Variants in ALG13 observed in about 807,000 individuals in gnomAD.
The protein encoded by ALG13 is ALG13 UDP-N-acetylglucosaminyltransferase subunit, also known as UDP-N-acetylglucosamine transferase subunit ALG13.
ALG13 carries 11 observed loss-of-function variants against 87.8 expected under a neutral mutation model. The observed-to-expected ratio is 0.13, with a 90% CI of 0.08 to 0.21. The LOEUF is 0.21. Ranked by LOEUF, ALG13 falls within the 10% of genes least tolerant of loss-of-function variation. The pLI, the probability that ALG13 is intolerant of heterozygous loss-of-function variation, is 1.00. For missense variants in ALG13, 756 were observed against 866.1 expected (o/e 0.87, Z 1.60); for synonymous variants, 320 against 306.3 (o/e 1.04, Z -0.47).
At chrX:111,692,170 ATTC>A (rs1344828926) in intron 3 of ALG13, among the ~76,000 whole-genome samples, 1 of 111,902 alleles carries the variant, frequency 8.9e-6, no homozygotes, top group Non-Finnish European at 1.9e-5. Flanking sequence ...TCATTTAGTC[ATTC>A]TTCTAGCCTT....
chrX:111,700,757 T>G (rs1490449113), intron 3 of ALG13, among the ~76,000 whole-genome samples: 1 of 102,416 alleles, frequency 9.8e-6, no homozygotes, highest in Non-Finnish European at 2.0e-5. Flanking sequence ...TTGTATTTTT[T>G]TTTTTTTTTT....
intron 25 of ALG13, 193 bp downstream of exon 25, chrX:111,753,023 A>G (rs1812077898): frequency 1.6e-5 from 6 of 367,392 alleles, no homozygotes; most frequent in Admixed American, 5.6e-5. Flanking sequence ...TTTCTCTTAT[A>G]AAATAGTCGT....
At chrX:111,758,297 C>A (rs1287088107) in intron 26 of ALG13, among the ~76,000 whole-genome samples, 1 of 111,740 alleles carries the variant, frequency 8.9e-6, no homozygotes, top group Non-Finnish European at 1.9e-5. Flanking sequence ...GTTGTACTTG[C>A]TGACTTGAAA....
chrX:111,726,138 G>T (rs1179723557), intron 15 of ALG13, among the ~76,000 whole-genome samples: 1 of 108,528 alleles, frequency 9.2e-6, no homozygotes, highest in African/African-American at 3.4e-5. Flanking sequence ...GTAGAGATGG[G>T]GTTTCACCGT....
chrX:111,732,153 T>C (rs1322550454), intron 21 of ALG13, among the ~76,000 whole-genome samples: 2 of 111,890 alleles, frequency 1.8e-5, no homozygotes, highest in East Asian at 5.6e-4. Context: ...CTCTCCTACA[T>C]ACACCTGTCT....
chrX:111,707,296 A>G (rs1938947311), intron 3 of ALG13, among the ~76,000 whole-genome samples: 2 of 112,399 alleles, frequency 1.8e-5, no homozygotes, highest in Non-Finnish European at 3.8e-5. Context: ...TTCCATTTAA[A>G]TTTTTATTTC....
chrX:111,712,529 A>T lies in ALG13; in HGVS notation c.931A>T (p.Asn311Tyr). The change falls in exon 7 of 27, where the codon AAT (asparagine) becomes TAT (tyrosine). Residue 311 changes from asparagine to tyrosine, a missense_variant and splice_region_variant. Around this residue, in one of 9 missense-constraint regions of ALG13, gnomAD observed 60 missense variants for 54.5 expected, o/e 1.10. Transcript: ENST00000394780. ...LEIRALSLIY[N>Y]RDFILYRFPG... ...AATAAGAGCTCTTTCTCTAATTTATAAGTAAGTTATATCCTCTTTTCTTTG... is the reference window on the plus strand; with the variant it reads ...AATAAGAGCTCTTTCTCTAATTTATTAGTAAGTTATATCCTCTTTTCTTTG... 1 of 1,156,725 alleles carries T rather than the reference A, an allele frequency of 8.6e-7. No homozygotes were observed. The highest frequency in any genetic ancestry group is 1.2e-6 in the Non-Finnish European group (1 of 854,738).
At chrX:111,723,248 G>C (rs1411632206) in intron 13 of ALG13, among the ~76,000 whole-genome samples, 1 of 108,655 alleles carries the variant, frequency 9.2e-6, no homozygotes, top group Non-Finnish European at 1.9e-5. Flanking sequence ...CTGCCTCCCG[G>C]GTTCATGCCT....
chrX:111,753,049 G>T, intron 25 of ALG13: 1 of 323,188 alleles, frequency 3.1e-6, no homozygotes, highest in South Asian at 9.1e-5. Flanking sequence ...TGAAGAGAGG[G>T]GTACTGGGCT....
At chrX:111,735,970 A>G (rs1203927417) in intron 22 of ALG13, among the ~76,000 whole-genome samples, 2 of 111,204 alleles carry the variant, frequency 1.8e-5, no homozygotes, top group East Asian at 2.8e-4. Flanking sequence ...CAGTCTTACA[A>G]TGTTATAAAA....
chrX:111,736,914 C>G, intron 23 of ALG13, 35 bp downstream of exon 23: 1 of 1,134,305 alleles, frequency 8.8e-7, no homozygotes, highest in Non-Finnish European at 1.2e-6. Context: ...TTGGAAGCCT[C>G]TTTTCCTATT....
At position 111,681,630 on chromosome X, in the gene ALG13, G is replaced by T. The variant is rs753345933; in HGVS notation, c.81+331G>T. On this transcript the variant is annotated intron_variant, in intron 1 of 26. Coordinates refer to ENST00000394780, the MANE Select transcript of ALG13 (RefSeq NM_001099922.3). ...CTCCTTCCAACGGCTCCGCCCCTCC[G>T]AGCTCGGGTTTTCCACCGGGCTCGG... The T allele has an allele frequency of 7.6e-6, 7 of 923,004 alleles. No homozygotes were observed. In the South Asian group the frequency reaches 2.4e-4, roughly 32 times the overall value. The allele number at this position is 923,004 out of a possible 1,213,427, so 76.1% of individuals were successfully genotyped here.
intron 23 of ALG13, among the ~76,000 whole-genome samples, chrX:111,743,162 C>T (rs1943911498): frequency 1.8e-5 from 2 of 111,749 alleles, no homozygotes; most frequent in Non-Finnish European, 3.8e-5. Flanking sequence ...ATCATAATCA[C>T]ATTCTACTAT....
At chrX:111,735,390 T>C (rs750326533) in intron 22 of ALG13, among the ~76,000 whole-genome samples, 9 of 112,026 alleles carry the variant, frequency 8.0e-5, no homozygotes, top group African/African-American at 2.9e-4. Flanking sequence ...TGAGTTAATC[T>C]AAATTACCCA....
intron 1 of ALG13, chrX:111,681,756 C>T (rs1173393641): frequency 2.4e-6 from 2 of 822,048 alleles, no homozygotes; most frequent in South Asian, 5.5e-5. Context: ...AGCACTTGGC[C>T]GGAGCCCGCG....
intron 25 of ALG13, chrX:111,753,116 A>G: frequency 4.9e-6 from 1 of 202,811 alleles, no homozygotes; most frequent in Non-Finnish European, 9.0e-6. Flanking sequence ...ATTACATGCT[A>G]ACTTTTCACT....
At chrX:111,685,958 G>A (rs893697945) in intron 3 of ALG13, among the ~76,000 whole-genome samples, 1 of 111,836 alleles carries the variant, frequency 8.9e-6, no homozygotes, top group African/African-American at 3.3e-5. Context: ...ATGAAGTTGG[G>A]TGGGGGTAGC....
At chrX:111,736,528 T>G (rs1318653266) in intron 22 of ALG13, among the ~76,000 whole-genome samples, 186 bp from the exon 23 acceptor site, 1 of 111,719 alleles carries the variant, frequency 9.0e-6, no homozygotes, top group Non-Finnish European at 1.9e-5. Flanking sequence ...AATTAAAAAA[T>G]TAAAGCTCTC....
chrX:111,706,278 C>G (rs926584377), intron 3 of ALG13, among the ~76,000 whole-genome samples: 1 of 112,484 alleles, frequency 8.9e-6, no homozygotes, highest in South Asian at 3.6e-4. Flanking sequence ...ATCTGCCTGC[C>G]TTGGCCTCCC....
Sources: gnomAD v4.1 joint callset for allele counts (sites outside exome capture counted in the v4.1 genomes callset) on GRCh38, gnomAD v4.1.1 for gene constraint, gnomAD v4.1.1 regional missense constraint, MANE v1.5 for transcripts, NCBI Gene and HGNC (gene_info 2026-07-23, HGNC 2026-07-21) for gene names.